Variants in PTPRD observed in about 807,000 individuals in gnomAD.
PTPRD encodes the protein receptor-type tyrosine-protein phosphatase delta.
In PTPRD, 34 loss-of-function variants were observed where a neutral mutation model predicts 214.5. That is an observed-to-expected ratio of 0.16 (90% CI 0.12 to 0.21). The LOEUF is 0.21. Ranked by LOEUF, PTPRD falls within the 10% of genes least tolerant of loss-of-function variation. PTPRD has a pLI of 1.00. For missense variants in PTPRD, 2,545 were observed against 2,398.7 expected (o/e 1.06, Z -1.27); for synonymous variants, 1,128 against 845.7 (o/e 1.33, Z -5.79).
At chr9:9,159,915 T>C (rs72696819) in intron 10 of PTPRD, among the ~76,000 whole-genome samples, 4 of 152,054 alleles carry the variant, frequency 2.6e-5, no homozygotes, top group Non-Finnish European at 5.9e-5. Context: ...TTGTGGGCAA[T>C]TGATTTTTGA....
intron 9 of PTPRD, among the ~76,000 whole-genome samples, chr9:9,252,730 C>T (rs1254055960): frequency 1.3e-5 from 2 of 152,176 alleles, no homozygotes; most frequent in Non-Finnish European, 1.5e-5. Flanking sequence ...ATGCAGTCAC[C>T]TCCACCTTCC....
At chr9:9,963,414 CCTTTATAA>C (rs931870027) in intron 4 of PTPRD, among the ~76,000 whole-genome samples, 1 of 136,260 alleles carries the variant, frequency 7.3e-6, no homozygotes, top group African/African-American at 3.5e-5. Flanking sequence ...AATAGTTTCT[CCTTTATAA>C]CTTTATAATT....
At chr9:9,567,075 G>A (rs1239776753) in intron 8 of PTPRD, among the ~76,000 whole-genome samples, 2 of 151,954 alleles carry the variant, frequency 1.3e-5, no homozygotes, top group African/African-American at 2.4e-5. Context: ...ATATGTTGAA[G>A]GTCAATGGGA....
chr9:9,194,256 A>C (rs748189670), intron 9 of PTPRD, among the ~76,000 whole-genome samples: 14 of 152,174 alleles, frequency 9.2e-5, no homozygotes, highest in Non-Finnish European at 1.6e-4. Context: ...CTCCTGAACG[A>C]CCTGCCAGAG....
At chr9:10,583,782 G>A (rs1230851800) in intron 2 of PTPRD, among the ~76,000 whole-genome samples, 2 of 152,142 alleles carry the variant, frequency 1.3e-5, no homozygotes, top group Non-Finnish European at 2.9e-5. Context: ...CCGGCCACAG[G>A]TGTTCTATAT....
At chr9:10,082,840 A>ACACAAACAC (rs1555566891) in intron 3 of PTPRD, among the ~76,000 whole-genome samples, 1,738 of 128,238 alleles carry the variant, frequency 0.014, 37 homozygotes, top group African/African-American at 0.046. Context: ...CACACACACA[A>ACACAAACAC]ACACACACAC....
chr9:10,363,991 G>GTTTTTTTGTTGCTTTTTTTTTT (rs1485501417), intron 2 of PTPRD, among the ~76,000 whole-genome samples: 1 of 35,132 alleles, frequency 2.8e-5, no homozygotes, highest in Non-Finnish European at 5.5e-5. Context: ...ACATTTTCGG[G>GTTTTTTTGTTGCTTTTTTTTTT]TTTTTTTTTT....
intron 9 of PTPRD, among the ~76,000 whole-genome samples, chr9:9,259,565 A>G (rs1327527924): frequency 6.6e-6 from 1 of 151,906 alleles, no homozygotes; most frequent in Non-Finnish European, 1.5e-5. Context: ...AACCAAATTA[A>G]AGGAAGTACA....
chr9:10,068,722 C>A (rs900764728), intron 3 of PTPRD, among the ~76,000 whole-genome samples: 28 of 151,718 alleles, frequency 1.8e-4, no homozygotes, highest in Non-Finnish European at 4.1e-4. Flanking sequence ...ATCAGCATTT[C>A]TATTTCCAAG....
intron 7 of PTPRD, among the ~76,000 whole-genome samples, chr9:9,711,154 CAT>C (rs1239788594): frequency 6.6e-6 from 1 of 152,112 alleles, no homozygotes; most frequent in Non-Finnish European, 1.5e-5. Context: ...CATTCTAAAA[CAT>C]ATGTATAGCT....
intron 5 of PTPRD, among the ~76,000 whole-genome samples, chr9:9,806,939 G>T (rs966042982): frequency 2.0e-5 from 3 of 152,076 alleles, no homozygotes; most frequent in South Asian, 2.1e-4. Context: ...CTGAGTATGT[G>T]AACAGCCCAC....
chr9:9,598,862 T>C (rs1377614360), intron 7 of PTPRD, among the ~76,000 whole-genome samples: 1 of 152,006 alleles, frequency 6.6e-6, no homozygotes, highest in Non-Finnish European at 1.5e-5. Flanking sequence ...CTGTGCCATT[T>C]TGGCCAAAGA....
chr9:8,349,851 T>G (rs16927610), intron 39 of PTPRD, among the ~76,000 whole-genome samples: 16,206 of 152,028 alleles, frequency 0.11, 1,466 homozygotes, highest in African/African-American at 0.25. Flanking sequence ...TGAGGACAAC[T>G]ATTCCACTAA....
intron 3 of PTPRD, among the ~76,000 whole-genome samples, chr9:10,173,816 A>G (rs1221460191): frequency 6.6e-6 from 1 of 151,724 alleles, no homozygotes; most frequent in Non-Finnish European, 1.5e-5. Flanking sequence ...TCTCAGGACA[A>G]TTACAAGTAA....
At chr9:9,293,548 T>C (rs1190920771) in intron 9 of PTPRD, among the ~76,000 whole-genome samples, 1 of 151,544 alleles carries the variant, frequency 6.6e-6, no homozygotes, top group African/African-American at 2.4e-5. Context: ...AGAAACCACA[T>C]ATGAAAGTTG....
chr9:9,575,018 G>A (rs1645633398), intron 7 of PTPRD, among the ~76,000 whole-genome samples: 1 of 152,026 alleles, frequency 6.6e-6, no homozygotes, highest in African/African-American at 2.4e-5. Context: ...CAAACAAGCA[G>A]GCAATTATTG....
chr9:9,862,565 C>T (rs776253065), intron 5 of PTPRD, among the ~76,000 whole-genome samples: 5 of 152,224 alleles, frequency 3.3e-5, no homozygotes, highest in East Asian at 1.9e-4. Flanking sequence ...TCAGAAACTG[C>T]GAGAATCAAA....
chr9:8,567,978 C>A (rs919111552), intron 14 of PTPRD, among the ~76,000 whole-genome samples: 7 of 151,910 alleles, frequency 4.6e-5, no homozygotes, highest in African/African-American at 1.7e-4. Context: ...GAAATGAGAC[C>A]TTATTTTCAC....
chr9:10,327,466 C>T (rs1230405260), intron 3 of PTPRD, among the ~76,000 whole-genome samples: 3 of 151,250 alleles, frequency 2.0e-5, no homozygotes, highest in African/African-American at 4.8e-5. Flanking sequence ...TAAGGTCTCA[C>T]GTGTGTGTGT....
Sources: gnomAD v4.1 joint callset for allele counts (sites outside exome capture counted in the v4.1 genomes callset) on GRCh38, gnomAD v4.1.1 for gene constraint, MANE v1.5 for transcripts, NCBI Gene and HGNC (gene_info 2026-07-23, HGNC 2026-07-21) for gene names.